PIK3C3: variants seen among roughly 807,000 people sequenced by gnomAD.
PIK3C3 encodes phosphatidylinositol 3-kinase catalytic subunit type 3.
In PIK3C3, 95 loss-of-function variants were observed where a neutral mutation model predicts 126.1. That is an observed-to-expected ratio of 0.75 (90% CI 0.64 to 0.89). PIK3C3 has a LOEUF of 0.89. Among genes scored for constraint, PIK3C3 ranks in the 40% least tolerant of loss-of-function variants. The pLI is 0.00. For missense variants in PIK3C3, 829 were observed against 1,063.2 expected (o/e 0.78, Z 3.06); for synonymous variants, 374 against 360.0 (o/e 1.04, Z -0.44).
At chr18:42,001,703 A>G (rs1982298918) in intron 9 of PIK3C3, among the ~76,000 whole-genome samples, 1 of 152,170 alleles carries the variant, frequency 6.6e-6, no homozygotes, top group South Asian at 2.1e-4. Flanking sequence ...AATCTTGCTA[A>G]TAAGTCTATA....
chr18:41,970,130 G>A (rs1980582846), intron 3 of PIK3C3, among the ~76,000 whole-genome samples, 197 bp from the exon 4 acceptor site: 2 of 152,162 alleles, frequency 1.3e-5, no homozygotes, highest in East Asian at 3.9e-4. Context: ...GAGGAGAAAA[G>A]AATGGCATGT....
At position 42,085,622 on chromosome 18, in the gene PIK3C3, A is replaced by G. The variant is rs1200376475; in HGVS notation, c.*4485A>G. 6.6e-6 allele frequency: 1 copy of G among 152,214 alleles called. No homozygotes were observed. Among genetic ancestry groups the G allele is most frequent in the Admixed American group, 6.5e-5 (1 of 15,278 alleles). 9.4% of individuals were successfully genotyped at this position (152,214 alleles called of 1,614,324 possible). ...TAAAAGAATATTTAAGTCACAGTCA[A>G]TTTTCTGTTGGTCTAATTTTACCAA... On this transcript the variant is annotated 3_prime_UTR_variant, in exon 25 of 25. Transcript: ENST00000262039.
rs771956137 is a variant in PIK3C3 at position 42,013,502 on chromosome 18, A to G, written c.1231A>G (p.Ile411Val). The change falls in exon 11 of 25, where the codon ATA becomes GTA. Residue 411 changes from isoleucine (I) to valine (V), a missense_variant. Transcript: ENST00000262039. ...TCTCAAATATGAAAATTTTGATGAT[A>G]TAAAGAATGGATTGGAACCTACCAA... Reference protein sequence around the residue: ...QALKYENFDDIKNGLEPTKKD... With the variant: ...QALKYENFDDVKNGLEPTKKD... The G allele has an allele frequency of 6.9e-6, 11 of 1,592,896 alleles. No homozygotes were observed. The South Asian group carries it at 9.0e-5, about 13-fold the overall frequency.
chr18:42,037,127 A>G (rs755052099), intron 16 of PIK3C3, among the ~76,000 whole-genome samples: 61 of 152,160 alleles, frequency 4.0e-4, no homozygotes, highest in Non-Finnish European at 7.9e-4. Flanking sequence ...AATCCCAAAC[A>G]TTTGCAAGCA....
intron 24 of PIK3C3, among the ~76,000 whole-genome samples, chr18:42,071,613 G>T (rs780885836): frequency 6.6e-6 from 1 of 151,728 alleles, no homozygotes; most frequent in African/African-American, 2.4e-5. Context: ...CCAGCTAGTC[G>T]GGAGGCTGAG....
intron 10 of PIK3C3, among the ~76,000 whole-genome samples, chr18:42,010,712 A>C (rs1320820530): frequency 6.6e-6 from 1 of 152,128 alleles, no homozygotes; most frequent in Non-Finnish European, 1.5e-5. Flanking sequence ...AACTCCTGTT[A>C]ATCTTGCTAT....
Position 42,037,721 on chromosome 18 carries a change from T to C in PIK3C3, c.1869T>C (p.Phe623=). 6.2e-7 allele frequency: 1 copy of C among 1,612,608 alleles called. No individual in the cohort carries two copies. Among genetic ancestry groups the C allele is most frequent in the Non-Finnish European group, 8.5e-7 (1 of 1,178,924 alleles). Residue 623 remains phenylalanine (F), a synonymous_variant, in exon 17 of 25, where the codon TTT becomes TTC. Coordinates refer to ENST00000262039, the MANE Select transcript of PIK3C3 (RefSeq NM_002647.4). The stretch of plus-strand genomic sequence containing the variant: ...CCCTTATGCCTGCACAGTTGTTTTT[T>C]AAGACGGAAGATGGAGGCAAATATC... ...KSALMPAQLF[F]KTEDGGKYPV...
chr18:42,043,585 T>TA (rs1432633442), intron 19 of PIK3C3, 148 bp from the exon 20 acceptor site: 55 of 521,250 alleles, frequency 1.1e-4, no homozygotes, highest in Admixed American at 6.9e-5. Flanking sequence ...ATCGCACTCT[T>TA]ACAATTCTTT....
At chr18:41,991,178 T>TG (rs112318847) in intron 6 of PIK3C3, among the ~76,000 whole-genome samples, 4,109 of 152,194 alleles carry the variant, frequency 0.027, 188 homozygotes, top group African/African-American at 0.094. Flanking sequence ...TTGTAGAAGG[T>TG]GCTTCATTTA....
intron 13 of PIK3C3, among the ~76,000 whole-genome samples, chr18:42,024,997 A>G (rs1983495890): frequency 6.6e-6 from 1 of 151,724 alleles, no homozygotes; most frequent in Non-Finnish European, 1.5e-5. Flanking sequence ...TTAGTATAGT[A>G]GAGACGGGGT....
intron 3 of PIK3C3, among the ~76,000 whole-genome samples, chr18:41,968,010 ACT>A (rs149892380): frequency 1.1e-3 from 161 of 152,182 alleles, no homozygotes; most frequent in African/African-American, 3.8e-3. Flanking sequence ...AGGCTGTGTA[ACT>A]CTGCAAAGTT....
At chr18:42,062,821 C>G (rs1432295431) in intron 22 of PIK3C3, among the ~76,000 whole-genome samples, 1 of 152,106 alleles carries the variant, frequency 6.6e-6, no homozygotes, top group Non-Finnish European at 1.5e-5. Flanking sequence ...TGTTCCTCTT[C>G]CATTTAGCCT....
At chr18:42,026,554 C>A (rs188427343) in intron 13 of PIK3C3, 1 of 152,180 alleles carries the variant, frequency 6.6e-6, no homozygotes, top group East Asian at 1.9e-4. Flanking sequence ...CACCTGGGCT[C>A]AAGCTATCTT....
chr18:42,069,142 A>C (rs930148272), intron 24 of PIK3C3, among the ~76,000 whole-genome samples: 1 of 152,118 alleles, frequency 6.6e-6, no homozygotes, highest in African/African-American at 2.4e-5. Flanking sequence ...TAGCTCAATA[A>C]AAAGGTGTTT....
chr18:42,024,241 A>G (rs1983452289), intron 13 of PIK3C3, among the ~76,000 whole-genome samples: 1 of 152,216 alleles, frequency 6.6e-6, no homozygotes, highest in Non-Finnish European at 1.5e-5. Flanking sequence ...TTCCTACTTT[A>G]AGATGACAGC....
At chr18:42,031,617 A>G (rs896726374) in intron 15 of PIK3C3, among the ~76,000 whole-genome samples, 7 of 151,744 alleles carry the variant, frequency 4.6e-5, no homozygotes, top group Non-Finnish European at 8.8e-5. Context: ...GGGGGGTTTC[A>G]CTCTGTTGGC....
intron 10 of PIK3C3, among the ~76,000 whole-genome samples, chr18:42,005,659 G>T (rs557390541): frequency 4.6e-5 from 7 of 152,144 alleles, no homozygotes; most frequent in African/African-American, 1.7e-4. Context: ...AATGTCGATC[G>T]CATAGAACAA....
At chr18:41,988,403 T>C (rs1289607940) in intron 5 of PIK3C3, among the ~76,000 whole-genome samples, 1 of 152,174 alleles carries the variant, frequency 6.6e-6, no homozygotes, top group Non-Finnish European at 1.5e-5. Flanking sequence ...TATGTTTAAA[T>C]AAAGATGGCT....
chr18:41,975,573 G>T (rs930750529), intron 4 of PIK3C3, among the ~76,000 whole-genome samples: 1 of 151,990 alleles, frequency 6.6e-6, no homozygotes, highest in Non-Finnish European at 1.5e-5. Context: ...CTAGGACACC[G>T]TATTTCAAGA....
Sources: allele counts gnomAD v4.1 joint callset (sites outside exome capture counted in the v4.1 genomes callset), GRCh38; gene constraint gnomAD v4.1.1; transcripts MANE v1.5; gene names NCBI Gene and HGNC (gene_info 2026-07-23, HGNC 2026-07-21).